CELA3B: variants seen among roughly 807,000 people sequenced by gnomAD.
CELA3B encodes chymotrypsin-like elastase family member 3B.
Under a neutral mutation model 37.2 loss-of-function variants are expected in CELA3B, and 34 were observed. The ratio of observed to expected loss-of-function variants is 0.91; its 90% CI spans 0.70 to 1.22. CELA3B has a LOEUF of 1.22. CELA3B is among the 50% of genes most tolerant of loss of function. The probability of loss-of-function intolerance (pLI) is 0.00; values close to 1 mark genes in which losing one functional copy is unlikely to be tolerated. For missense variants in CELA3B, 340 were observed against 363.1 expected, an observed-to-expected ratio of 0.94 and a Z score of 0.52; for synonymous variants, 127 against 143.5, an observed-to-expected ratio of 0.89 and a Z score of 0.82.
At chr1:21,981,242 T>G (rs1644802695) in intron 4 of CELA3B, 70 bp downstream of exon 4, 3 of 1,504,328 alleles carry the variant, frequency 2.0e-6, no homozygotes, top group Non-Finnish European at 2.7e-6. Context: ...CAGCCAAGTC[T>G]GAGTAGGTTC....
downstream of CELA3B, among the ~76,000 whole-genome samples, chr1:21,993,393 C>T (rs1177983194): frequency 2.1e-5 from 3 of 143,296 alleles, no homozygotes; most frequent in Non-Finnish European, 4.5e-5. Flanking sequence ...ACTTGGGAGG[C>T]GGAGGTTGCA....
chr1:21,987,468 AG>A (rs1190638864), intron 7 of CELA3B: 134 of 2,708 alleles, frequency 0.049, 5 homozygotes, highest in African/African-American at 0.15. Flanking sequence ...AAAAAAAAAA[AG>A]AGTAATAGCT....
At chr1:21,987,326 G>A (rs1644845115) in intron 7 of CELA3B, among the ~76,000 whole-genome samples, 1 of 151,500 alleles carries the variant, frequency 6.6e-6, no homozygotes, top group Non-Finnish European at 1.5e-5. Flanking sequence ...GGTGGTGGGT[G>A]CCTGTAATCC....
At chr1:21,987,196 A>T (rs6426736) in intron 7 of CELA3B, among the ~76,000 whole-genome samples, 133,301 of 149,692 alleles carry the variant, frequency 0.89, 59,985 homozygotes, top group Middle Eastern at 0.96. Context: ...TAGTCATGCC[A>T]GTAATCCCAG....
At chr1:21,982,588 C>A (rs370627265) in intron 4 of CELA3B, among the ~76,000 whole-genome samples, 19 of 48,312 alleles carry the variant, frequency 3.9e-4, no homozygotes, top group African/African-American at 1.0e-3. Flanking sequence ...CAGAGCCATA[C>A]CCTGTCTCAA....
intron 7 of CELA3B, among the ~76,000 whole-genome samples, chr1:21,988,299 T>A (rs200953419): frequency 0.18 from 25,797 of 145,144 alleles, 71 homozygotes; most frequent in East Asian, 0.31. Flanking sequence ...GTTAAAAAAA[T>A]ATATATATAA....
intron 4 of CELA3B, among the ~76,000 whole-genome samples, chr1:21,981,789 G>A (rs539900959): frequency 1.8e-4 from 27 of 151,064 alleles, no homozygotes; most frequent in African/African-American, 6.1e-4. Flanking sequence ...ACAGTGGCAC[G>A]ATCTCGGCTC....
rs1171498547 is a variant in CELA3B, at chr1:21,996,273, AG to A, written c.505-1876del. 8.6e-5 allele frequency among the ~76,000 whole-genome samples: 13 copies of A among 150,490 alleles called. No individual in the cohort carries two copies. In the East Asian group the frequency reaches 2.4e-3, roughly 28 times the overall value. On this transcript the variant is annotated intron_variant, in intron 4 of 4. Coordinates refer to the CELA3B transcript ENST00000400277. ...TTAAGGTTAAGGCATTTTAGGTCAC[AG>A]GATGAGATAGGAGATCCACACAAAA...
chr1:21,977,073 G>C lies in CELA3B; in HGVS notation c.34G>C (p.Val12Leu). 7 of 1,614,114 alleles carry C rather than the reference G, an allele frequency of 4.3e-6. No individual in the cohort carries two copies. Among genetic ancestry groups the C allele is most frequent in the Admixed American group, 1.7e-5 (1 of 60,008 alleles). ...MLRLLSSLLL[V>L]AVASGYGPPS... ...CCGGCTGCTCAGTTCCCTCCTCCTTGTGGCCGTTGGTAAGACCCCAACCTG... is the reference window on the plus strand; with the variant it reads ...CCGGCTGCTCAGTTCCCTCCTCCTTCTGGCCGTTGGTAAGACCCCAACCTG... The change falls in exon 1 of 8, where the codon GTG becomes CTG. Residue 12 changes from valine to leucine, a missense_variant. By Grantham distance (32) the Val-to-Leu change is conservative. Coordinates refer to ENST00000337107, the MANE Select transcript of CELA3B (RefSeq NM_007352.4).
chr1:21,993,998 C>T (rs1644878970), downstream of CELA3B, among the ~76,000 whole-genome samples: 1 of 150,126 alleles, frequency 6.7e-6, no homozygotes, highest in African/African-American at 2.5e-5. Context: ...CACTCAGCAG[C>T]CAGAGACATG....
At chr1:21,997,640 G>T (rs942581461) in intron 4 of CELA3B, among the ~76,000 whole-genome samples, 7 of 149,936 alleles carry the variant, frequency 4.7e-5, no homozygotes, top group African/African-American at 7.4e-5. Context: ...AGTGAGCCGA[G>T]ATCTAGCCAT....
At chr1:21,988,407 T>C (rs760787214) in intron 7 of CELA3B, among the ~76,000 whole-genome samples, 13 of 148,244 alleles carry the variant, frequency 8.8e-5, no homozygotes, top group Non-Finnish European at 1.5e-4. Context: ...CTGGCCAATA[T>C]GGTGAAATCC....
intron 6 of CELA3B, among the ~76,000 whole-genome samples, chr1:21,986,100 G>C (rs113222018): frequency 6.8e-6 from 1 of 146,722 alleles, no homozygotes; most frequent in South Asian, 2.3e-4. Context: ...CTGGCTGGGC[G>C]TGGTGGCTCA....
In CELA3B at chr1:21,997,391, CA is replaced by C. The variant is rs34063955; in HGVS notation, c.505-745del. 2.3e-3 allele frequency among the ~76,000 whole-genome samples: 284 copies of C among 123,610 alleles called. 7 individuals are homozygous for C. Among genetic ancestry groups the C allele is most frequent in the African/African-American group, 6.4e-3 (198 of 31,024 alleles). The allele number at this position is 123,610 out of a possible 152,430, so 81.1% of individuals were successfully genotyped here. A position where few individuals can be genotyped will look rare whatever the true frequency, so the allele number is the denominator to read the frequency against. ...AGCAAGACAAGAGCAAGACTCGTCTCAAAAAAAAAAAAAAATGCTGGGCGTG... is the reference window on the plus strand; with the variant it reads ...AGCAAGACAAGAGCAAGACTCGTCTCAAAAAAAAAAAAAATGCTGGGCGTG... On this transcript the variant is annotated intron_variant, in intron 4 of 4. Coordinates refer to the CELA3B transcript ENST00000400277.
intron 4 of CELA3B, among the ~76,000 whole-genome samples, chr1:21,995,616 G>A (rs915861405): frequency 1.3e-5 from 2 of 150,898 alleles, no homozygotes; most frequent in Non-Finnish European, 2.9e-5. Flanking sequence ...TTTTCATCTG[G>A]AATGTGGTTG....
At chr1:21,995,867 T>C (rs1293561145) in intron 4 of CELA3B, among the ~76,000 whole-genome samples, 1 of 148,192 alleles carries the variant, frequency 6.7e-6, no homozygotes, top group South Asian at 2.2e-4. Context: ...GGCTTGTAGA[T>C]GGCCACCTTC....
chr1:21,984,233 G>A lies in CELA3B; in HGVS notation c.544G>A (p.Val182Met), dbSNP rs767856879. 6.2e-6 allele frequency: 10 copies of A among 1,614,012 alleles called. No individual in the cohort carries two copies. Among genetic ancestry groups the A allele is most frequent in the East Asian group, 4.5e-5 (2 of 44,890 alleles). The change falls in exon 6 of 8, where the codon GTG becomes ATG. Residue 182 changes from valine (V) to methionine (M), a missense_variant. Transcript: ENST00000337107. ...CAAGCTGCAGGAGGCCCTGCTGCCGGTGGTGGACTATGAACACTGCTCCAG... is the reference window on the plus strand; with the variant it reads ...CAAGCTGCAGGAGGCCCTGCTGCCGATGGTGGACTATGAACACTGCTCCAG... ...PDKLQEALLP[V>M]VDYEHCSRWN...
chr1:21,992,704 G>A (rs181041757), downstream of CELA3B, among the ~76,000 whole-genome samples: 2 of 151,416 alleles, frequency 1.3e-5, no homozygotes, highest in African/African-American at 2.4e-5. Flanking sequence ...AGCTGGGAAC[G>A]GTGGCTCATG....
In CELA3B at chr1:21,987,143, A is replaced by C. The variant is rs1352295668; in HGVS notation, c.795+460A>C. The C allele has an allele frequency of 1.4e-4, 33 of 236,574 alleles. 1 individual carries two copies. Among genetic ancestry groups the C allele is most frequent in the South Asian group, 5.5e-4 (20 of 36,090 alleles). The allele number at this position is 236,574 out of a possible 1,614,324, so 14.7% of individuals were successfully genotyped here. ...CCTGATAACAGTAATAGCTAAACAA[A>C]AAAAAAAAAGAAAAAAAAAAAGAGT... On this transcript the variant is annotated intron_variant, in intron 7 of 7. Coordinates refer to ENST00000337107, the MANE Select transcript of CELA3B (RefSeq NM_007352.4).
Sources: allele counts gnomAD v4.1 joint callset (sites outside exome capture counted in the v4.1 genomes callset), GRCh38; gene constraint gnomAD v4.1.1; transcripts MANE v1.5; gene names NCBI Gene and HGNC (gene_info 2026-07-23, HGNC 2026-07-21).